The following IMPA1 variants were observed in gnomAD, a reference collection of about 807,000 sequenced individuals.
IMPA1 encodes the protein inositol monophosphatase 1, also known as D-galactose 1-phosphate phosphatase.
Under a neutral mutation model 34.9 loss-of-function variants are expected in IMPA1, and 21 were observed. The observed-to-expected ratio is 0.60, with a 90% CI of 0.43 to 0.87. IMPA1 has a LOEUF of 0.87. Ranked by LOEUF, IMPA1 falls within the 40% of genes least tolerant of loss-of-function variation. The probability of loss-of-function intolerance (pLI) is 0.00; values close to 1 mark genes in which losing one functional copy is unlikely to be tolerated. For synonymous variants in IMPA1, 95 were observed against 104.4 expected, an observed-to-expected ratio of 0.91 and a Z score of 0.55; for missense variants, 299 against 336.4, an observed-to-expected ratio of 0.89 and a Z score of 0.87.
rs1325018465 is a variant in IMPA1 at position 81,680,654 on chromosome 8, G to C, written c.193C>G (p.His65Asp). ...ISSIKEKYPS[H>D]SFIGEESVAA... ...GTACACAGTAAATAAAAATACCTGT[G>C]AGATGGATACTTTTCCTTTATGGAA... is the stretch of plus-strand genomic sequence containing the variant. The change falls in exon 3 of 9, where the codon CAC becomes GAC. Residue 65 changes from histidine (H) to aspartate (D), a missense_variant. His to Asp is a moderately conservative substitution (Grantham distance 81). Transcript: ENST00000256108. 1 of 1,607,060 alleles carries C rather than the reference G, an allele frequency of 6.2e-7. No individual in the cohort carries two copies. The highest frequency in any genetic ancestry group is 1.7e-5 in the Admixed American group (1 of 58,966).
At chr8:81,667,003 G>T (rs1023432112) in intron 7 of IMPA1, among the ~76,000 whole-genome samples, 7 of 150,584 alleles carry the variant, frequency 4.6e-5, no homozygotes, top group African/African-American at 1.7e-4. Context: ...TAACTATTAT[G>T]AATAAACATC....
chr8:81,675,286 C>A (rs1024311724), intron 5 of IMPA1, among the ~76,000 whole-genome samples: 1 of 102,152 alleles, frequency 9.8e-6, no homozygotes, highest in South Asian at 3.4e-4. Flanking sequence ...CCCTAGTTTT[C>A]TAAGGGCCAA....
intron 8 of IMPA1, 36 bp downstream of exon 8, chr8:81,660,480 A>G (rs749855603): frequency 6.3e-6 from 10 of 1,594,330 alleles, no homozygotes. Context: ...AGTCCAACAG[A>G]TGTGTGGAGA....
At chr8:81,664,228 C>T (rs369731203) in intron 7 of IMPA1, among the ~76,000 whole-genome samples, 11 of 152,106 alleles carry the variant, frequency 7.2e-5, no homozygotes, top group African/African-American at 2.2e-4. Context: ...AATAGCATGA[C>T]GATTTTGAAA....
intron 5 of IMPA1, chr8:81,674,548 A>G (rs1039482841): frequency 3.3e-5 from 9 of 275,270 alleles, no homozygotes; most frequent in Non-Finnish European, 5.0e-5. Context: ...ATTGGAGTCT[A>G]CTGGCTCAAG....
At chr8:81,676,420 C>A in intron 4 of IMPA1, 141 bp from the exon 5 acceptor site, 1 of 467,420 alleles carries the variant, frequency 2.1e-6, no homozygotes, top group Admixed American at 4.2e-5. Context: ...ATCTAAGATG[C>A]AAAACAGTTT....
intron 2 of IMPA1, 26 bp from the exon 3 acceptor site, chr8:81,680,809 TAGAAA>T (rs140029831): frequency 0.03 from 46,193 of 1,525,562 alleles, 822 homozygotes; most frequent in Non-Finnish European, 0.036. Flanking sequence ...GGTAAGCAAA[TAGAAA>T]AGGCATAATT....
intron 7 of IMPA1, among the ~76,000 whole-genome samples, chr8:81,668,955 T>C (rs924965831): frequency 6.6e-6 from 1 of 152,138 alleles, no homozygotes; most frequent in African/African-American, 2.4e-5. Flanking sequence ...TGACCCTAGG[T>C]GTGGCTTATA....
chr8:81,663,378 A>C (rs978624846), intron 7 of IMPA1, among the ~76,000 whole-genome samples: 6 of 152,204 alleles, frequency 3.9e-5, no homozygotes, highest in African/African-American at 1.2e-4. Flanking sequence ...TATGCATAGT[A>C]CATAATTAGT....
chr8:81,680,622 A>C (rs1181661564), intron 3 of IMPA1, 28 bp downstream of exon 3: 1 of 1,539,864 alleles, frequency 6.5e-7, no homozygotes, highest in Non-Finnish European at 8.9e-7. Context: ...GATAATAAAC[A>C]TTTCTTGTAC....
intron 7 of IMPA1, among the ~76,000 whole-genome samples, 180 bp downstream of exon 7, chr8:81,670,759 A>G (rs1806961628): frequency 6.6e-6 from 1 of 152,206 alleles, no homozygotes; most frequent in African/African-American, 2.4e-5. Context: ...TATGGATGAC[A>G]AATTAGATAA....
chr8:81,670,921 T>C lies in IMPA1; in HGVS notation c.566+18A>G. Reference sequence around the variant, plus strand: ...CACGTATACAAAGAGAGAGATAGAATAATGGTAAAGAGCTTACCCATGAAC... The same window carrying C: ...CACGTATACAAAGAGAGAGATAGAACAATGGTAAAGAGCTTACCCATGAAC... On this transcript the variant is annotated intron_variant, in intron 7 of 8. Transcript: ENST00000256108. 8.0e-7 allele frequency: 1 copy of C among 1,256,886 alleles called. No homozygotes were observed. The highest frequency in any genetic ancestry group is 1.4e-5 in the South Asian group (1 of 69,462). The allele number at this position is 1,256,886 out of a possible 1,614,324, so 77.9% of individuals were successfully genotyped here.
intron 7 of IMPA1, among the ~76,000 whole-genome samples, chr8:81,668,014 AG>A (rs1806883580): frequency 6.6e-6 from 1 of 151,820 alleles, no homozygotes; most frequent in Non-Finnish European, 1.5e-5. Flanking sequence ...TAGTAGAGAC[AG>A]GGTTTCACCG....
chr8:81,683,201 A>C (rs1316987984), intron 1 of IMPA1, among the ~76,000 whole-genome samples: 1 of 152,192 alleles, frequency 6.6e-6, no homozygotes, highest in Non-Finnish European at 1.5e-5. Context: ...AACAGGAGAG[A>C]TAAAGCTGGG....
rs928719657 is a variant in IMPA1, at chr8:81,681,829, A to AT, written c.-24-246dup. Among the ~76,000 whole-genome samples the AT allele has an allele frequency of 2.6e-5, 4 of 152,296 alleles. No individual in the cohort carries two copies. In the East Asian group the frequency reaches 5.8e-4, roughly 22 times the overall value. ...TCCCAGTGTGTCTGTACCATATTAC[A>AT]TTTTTTTAAAAAACCAAAACATTCG... On this transcript the variant is annotated intron_variant, in intron 1 of 8. Transcript: ENST00000256108.
chr8:81,673,185 C>A (rs536922411), intron 6 of IMPA1, among the ~76,000 whole-genome samples: 1 of 152,342 alleles, frequency 6.6e-6, no homozygotes, highest in African/African-American at 2.4e-5. Flanking sequence ...CTTATCTTCA[C>A]AGGTGTGGGA....
intron 7 of IMPA1, among the ~76,000 whole-genome samples, chr8:81,667,095 C>G (rs550394782): frequency 6.6e-6 from 1 of 152,020 alleles, no homozygotes; most frequent in Admixed American, 6.5e-5. Context: ...ACTGATACAT[C>G]AGAGACTCTC....
chr8:81,674,091 T>C, intron 5 of IMPA1, 142 bp from the exon 6 acceptor site: 1 of 581,098 alleles, frequency 1.7e-6, no homozygotes, highest in South Asian at 2.3e-5. Flanking sequence ...AAAATGTTAA[T>C]TTCCAGACTA....
At chr8:81,673,411 C>T (rs118038544) in intron 6 of IMPA1, among the ~76,000 whole-genome samples, 4,485 of 152,258 alleles carry the variant, frequency 0.029, 97 homozygotes, top group East Asian at 0.086. Context: ...CCTTTATGTA[C>T]ATCTTACACA....
Sources: gnomAD v4.1 joint callset for allele counts (sites outside exome capture counted in the v4.1 genomes callset) on GRCh38, gnomAD v4.1.1 for gene constraint, MANE v1.5 for transcripts, NCBI Gene and HGNC (gene_info 2026-07-23, HGNC 2026-07-21) for gene names.